Variants in CPEB3 observed in about 807,000 individuals in gnomAD.
The protein encoded by CPEB3 is cytoplasmic polyadenylation element binding protein 3.
CPEB3 carries 20 observed loss-of-function variants against 67.2 expected under a neutral mutation model. The observed-to-expected ratio is 0.30, with a 90% CI of 0.21 to 0.43. CPEB3 has a LOEUF of 0.43. Ranked by LOEUF, CPEB3 falls within the 20% of genes least tolerant of loss-of-function variation. The probability of loss-of-function intolerance (pLI) is 1.00; values close to 1 mark genes in which losing one functional copy is unlikely to be tolerated. For synonymous variants in CPEB3, 376 were observed against 393.1 expected, an observed-to-expected ratio of 0.96 and a Z score of 0.51; for missense variants, 746 against 968.6, an observed-to-expected ratio of 0.77 and a Z score of 3.05.
intron 1 of CPEB3, among the ~76,000 whole-genome samples, chr10:92,240,941 T>C (rs1368387767): frequency 6.6e-6 from 1 of 152,210 alleles, no homozygotes; most frequent in Non-Finnish European, 1.5e-5. Flanking sequence ...TTCATTTAGC[T>C]GCAGCGAACC....
At chr10:92,215,262 C>CCTGCCT (rs1245534100) in intron 2 of CPEB3, among the ~76,000 whole-genome samples, 2 of 151,632 alleles carry the variant, frequency 1.3e-5, no homozygotes, top group Non-Finnish European at 2.9e-5. Context: ...AATCGATTCT[C>CCTGCCT]CTGCCTCTGC....
At chr10:92,192,748 C>A in intron 2 of CPEB3, 112 bp from the exon 3 acceptor site, 1 of 687,896 alleles carries the variant, frequency 1.5e-6, no homozygotes, top group South Asian at 2.8e-5. Context: ...TACAGAGAGC[C>A]CCAACAGCAT....
chr10:92,275,092 C>A (rs887780932), intron 1 of CPEB3, among the ~76,000 whole-genome samples: 15 of 152,196 alleles, frequency 9.9e-5, no homozygotes, highest in Non-Finnish European at 2.1e-4. Context: ...TACCTTCAAT[C>A]CTGTGAGCTC....
chr10:92,276,583 C>A (rs61875224), intron 1 of CPEB3, among the ~76,000 whole-genome samples: 1 of 152,142 alleles, frequency 6.6e-6, no homozygotes, highest in Non-Finnish European at 1.5e-5. Flanking sequence ...CTGGCCCATA[C>A]TGCTGCTATT....
At chr10:92,284,071 A>T (rs533101245) in intron 1 of CPEB3, among the ~76,000 whole-genome samples, 1 of 93,732 alleles carries the variant, frequency 1.1e-5, no homozygotes, top group South Asian at 3.2e-4. Context: ...ACAGAGTCTC[A>T]CTCTGTCACC....
chr10:92,229,333 C>T (rs979971623), intron 2 of CPEB3, among the ~76,000 whole-genome samples: 4 of 152,174 alleles, frequency 2.6e-5, no homozygotes, highest in Non-Finnish European at 5.9e-5. Flanking sequence ...CACACCCAGC[C>T]TTCTCCTTAA....
chr10:92,073,116 C>A (rs552382295), intron 9 of CPEB3, among the ~76,000 whole-genome samples: 10 of 141,518 alleles, frequency 7.1e-5, no homozygotes, highest in Admixed American at 5.3e-4. Flanking sequence ...TAGCTCACTG[C>A]AGCCTCAAAC....
chr10:92,243,777 A>T (rs1851947597), intron 1 of CPEB3, among the ~76,000 whole-genome samples: 1 of 152,180 alleles, frequency 6.6e-6, no homozygotes, highest in Non-Finnish European at 1.5e-5. Flanking sequence ...AGAATAAAAA[A>T]CACCTTAATG....
chr10:92,247,213 T>C (rs1419449803), intron 1 of CPEB3, among the ~76,000 whole-genome samples: 1 of 152,136 alleles, frequency 6.6e-6, no homozygotes, highest in African/African-American at 2.4e-5. Flanking sequence ...AGGTACCTTC[T>C]TTATTTTTTT....
intron 3 of CPEB3, among the ~76,000 whole-genome samples, chr10:92,185,587 C>A (rs891839872): frequency 6.6e-6 from 1 of 152,164 alleles, no homozygotes; most frequent in East Asian, 1.9e-4. Context: ...TAATTGATTA[C>A]GAAAGTCATC....
intron 4 of CPEB3, among the ~76,000 whole-genome samples, chr10:92,153,107 C>A (rs1410764578): frequency 6.6e-6 from 1 of 152,184 alleles, no homozygotes; most frequent in Non-Finnish European, 1.5e-5. Flanking sequence ...TCAGAAAATT[C>A]TCCGATTCAC....
At chr10:92,101,004 T>C (rs1456090742) in intron 7 of CPEB3, among the ~76,000 whole-genome samples, 3 of 152,234 alleles carry the variant, frequency 2.0e-5, no homozygotes, top group Non-Finnish European at 4.4e-5. Context: ...CATCTACCTA[T>C]ACATATCGTC....
intron 1 of CPEB3, among the ~76,000 whole-genome samples, chr10:92,254,164 G>A (rs1852421815): frequency 1.3e-5 from 2 of 152,010 alleles, no homozygotes; most frequent in South Asian, 2.1e-4. Context: ...AGGAAGTTGA[G>A]GCTGCAGTGA....
intron 9 of CPEB3, among the ~76,000 whole-genome samples, chr10:92,070,989 C>T (rs995479307): frequency 6.6e-6 from 1 of 151,662 alleles, no homozygotes. Context: ...AAATATTAGT[C>T]ATCCATGGTT....
At chr10:92,199,248 A>C (rs1849387958) in intron 2 of CPEB3, among the ~76,000 whole-genome samples, 1 of 151,878 alleles carries the variant, frequency 6.6e-6, no homozygotes, top group South Asian at 2.1e-4. Context: ...AAAATTAGTC[A>C]GGCATGGTGG....
intron 2 of CPEB3, among the ~76,000 whole-genome samples, chr10:92,218,788 C>T (rs1377773213): frequency 1.3e-5 from 2 of 151,790 alleles, no homozygotes; most frequent in Non-Finnish European, 2.9e-5. Flanking sequence ...CCTGACCTCA[C>T]AGCAGTTCCA....
At chr10:92,107,107 C>A (rs1411789551) in intron 7 of CPEB3, among the ~76,000 whole-genome samples, 1 of 152,136 alleles carries the variant, frequency 6.6e-6, no homozygotes, top group Non-Finnish European at 1.5e-5. Context: ...ACCAGAATGA[C>A]AGACACATGG....
At chr10:92,256,222 CT>C (rs1852505522) in intron 1 of CPEB3, among the ~76,000 whole-genome samples, 1 of 151,912 alleles carries the variant, frequency 6.6e-6, no homozygotes, top group African/African-American at 2.4e-5. Context: ...AATACTGTAC[CT>C]GAACTACAGC....
At chr10:92,221,608 T>A (rs1325296294) in intron 2 of CPEB3, among the ~76,000 whole-genome samples, 1 of 152,158 alleles carries the variant, frequency 6.6e-6, no homozygotes, top group Non-Finnish European at 1.5e-5. Flanking sequence ...ATGCACATGT[T>A]GAAATTTACT....
Sources: allele counts gnomAD v4.1 joint callset (sites outside exome capture counted in the v4.1 genomes callset), GRCh38; gene constraint gnomAD v4.1.1; transcripts MANE v1.5; gene names NCBI Gene and HGNC (gene_info 2026-07-23, HGNC 2026-07-21).